Variants in DNAAF6 observed in about 807,000 individuals in gnomAD.
The protein encoded by DNAAF6 is PIH1 domain containing 3.
Under a neutral mutation model 13.7 loss-of-function variants are expected in DNAAF6, and 3 were observed. The observed-to-expected ratio is 0.22, with a 90% CI of 0.10 to 0.56. The LOEUF is 0.56. Ranked by LOEUF, DNAAF6 falls within the 20% of genes least tolerant of loss-of-function variation. DNAAF6 has a pLI of 0.92. For synonymous variants in DNAAF6, 54 were observed against 49.2 expected, an observed-to-expected ratio of 1.10 and a Z score of -0.41; for missense variants, 130 against 151.0, an observed-to-expected ratio of 0.86 and a Z score of 0.73.
intron 5 of DNAAF6, among the ~76,000 whole-genome samples, chrX:107,236,343 G>C (rs1343548064): frequency 8.9e-6 from 1 of 111,748 alleles, no homozygotes; most frequent in Non-Finnish European, 1.9e-5. Context: ...AAATTGTTTG[G>C]TCAGTGACAT....
chrX:107,217,604 A>G (rs1323472469), intron 3 of DNAAF6, among the ~76,000 whole-genome samples: 2 of 112,315 alleles, frequency 1.8e-5, no homozygotes, highest in Non-Finnish European at 3.8e-5. Context: ...TTTCCCCAGC[A>G]TTTTGAGCTA....
At chrX:107,229,125 C>CTTTTTTTTTT (rs1569375032) in intron 5 of DNAAF6, among the ~76,000 whole-genome samples, 7 of 57,802 alleles carry the variant, frequency 1.2e-4, no homozygotes, top group African/African-American at 7.9e-4. Flanking sequence ...CTGTTGACTA[C>CTTTTTTTTTT]TCTTTTTTTT....
intron 5 of DNAAF6, among the ~76,000 whole-genome samples, chrX:107,225,801 CAA>C (rs1309450033): frequency 1.8e-5 from 2 of 111,353 alleles, no homozygotes; most frequent in African/African-American, 6.5e-5. Flanking sequence ...ACCTCAAACC[CAA>C]AGAGCCCCAT....
chrX:107,230,708 G>A (rs141461747), intron 5 of DNAAF6, among the ~76,000 whole-genome samples: 358 of 111,479 alleles, frequency 3.2e-3, no homozygotes, highest in Non-Finnish European at 4.5e-3. Context: ...TCACCTCTTC[G>A]CTTACAGCCC....
At chrX:107,226,897 T>G (rs1469298572) in intron 5 of DNAAF6, among the ~76,000 whole-genome samples, 3 of 110,644 alleles carry the variant, frequency 2.7e-5, no homozygotes, top group African/African-American at 9.9e-5. Flanking sequence ...GGGATGAGAG[T>G]CAGGGATGGG....
intron 5 of DNAAF6, among the ~76,000 whole-genome samples, chrX:107,232,697 G>A (rs918070403): frequency 9.0e-6 from 1 of 111,403 alleles, no homozygotes; most frequent in South Asian, 3.9e-4. Flanking sequence ...ACACCTGAAA[G>A]AGATGAGGAA....
intron 5 of DNAAF6, among the ~76,000 whole-genome samples, chrX:107,227,881 AGTGT>A (rs1176311053): frequency 9.0e-6 from 1 of 110,797 alleles, no homozygotes; most frequent in Non-Finnish European, 1.9e-5. Flanking sequence ...TGAGAGAGAG[AGTGT>A]GTGTGTGTTT....
At chrX:107,209,242 A>G (rs1203122559) in intron 1 of DNAAF6, among the ~76,000 whole-genome samples, 2 of 107,032 alleles carry the variant, frequency 1.9e-5, no homozygotes, top group Admixed American at 1.0e-4. Context: ...CTATATAAAT[A>G]AAGTTGCTTC....
At chrX:107,232,295 T>C (rs1928421215) in intron 5 of DNAAF6, among the ~76,000 whole-genome samples, 1 of 110,324 alleles carries the variant, frequency 9.1e-6, no homozygotes, top group Admixed American at 9.6e-5. Context: ...AGGCCTCTTG[T>C]GGCTTTCCAC....
chrX:107,229,177 G>A (rs1423033599), intron 5 of DNAAF6, among the ~76,000 whole-genome samples: 1 of 76,269 alleles, frequency 1.3e-5, no homozygotes, highest in African/African-American at 5.7e-5. Flanking sequence ...CCGCTCTGTC[G>A]CTCAGGCTGG....
intron 3 of DNAAF6, 78 bp downstream of exon 3, chrX:107,216,821 C>G: frequency 1.6e-6 from 1 of 642,010 alleles, no homozygotes; most frequent in African/African-American, 2.3e-5. Flanking sequence ...GTAATAAGTA[C>G]TAATACTAGT....
chrX:107,223,766 C>CATTCA (rs1172838968), intron 5 of DNAAF6, among the ~76,000 whole-genome samples: 24 of 111,317 alleles, frequency 2.2e-4, no homozygotes, highest in African/African-American at 7.8e-4. Context: ...AAATCTAAGA[C>CATTCA]ATTCAATTCA....
chrX:107,235,276 A>G (rs1277363692), intron 5 of DNAAF6, among the ~76,000 whole-genome samples: 2 of 111,650 alleles, frequency 1.8e-5, no homozygotes, highest in Non-Finnish European at 1.9e-5. Context: ...AGATATTTGA[A>G]ATAAAGTTAG....
chrX:107,233,463 T>C (rs1470515576), intron 5 of DNAAF6, among the ~76,000 whole-genome samples: 3 of 111,274 alleles, frequency 2.7e-5, no homozygotes, highest in South Asian at 7.6e-4. Context: ...TAACCCAAGT[T>C]TGTATCCTTT....
At chrX:107,240,058 G>A (rs1432872112) in intron 6 of DNAAF6, among the ~76,000 whole-genome samples, 2 of 112,195 alleles carry the variant, frequency 1.8e-5, no homozygotes, top group African/African-American at 6.5e-5. Context: ...CACTGTCTGT[G>A]AGACTTTCAT....
At position 107,212,896 on chromosome X, in the gene DNAAF6, T is replaced by C; in HGVS notation, c.21T>C (p.Asp7=). The change falls in exon 2 of 7, where the codon GAT becomes GAC. Residue 7 remains aspartate, a synonymous_variant. Transcript: ENST00000372453. MESENM[D]SENMKTENME... ...AGATAATGGAATCTGAAAATATGGATTCTGAAAATATGAAGACAGAAAATA... is the reference window on the plus strand; with the variant it reads ...AGATAATGGAATCTGAAAATATGGACTCTGAAAATATGAAGACAGAAAATA... The C allele has an allele frequency of 8.4e-7, 1 of 1,194,453 alleles. No homozygotes were observed. The highest frequency in any genetic ancestry group is 1.1e-6 in the Non-Finnish European group (1 of 888,551).
chrX:107,242,771 G>A (rs940326464), intron 6 of DNAAF6, among the ~76,000 whole-genome samples: 2 of 112,121 alleles, frequency 1.8e-5, no homozygotes, highest in African/African-American at 6.5e-5. Context: ...ATCTATGTTA[G>A]CAGAAGTGTC....
intron 5 of DNAAF6, among the ~76,000 whole-genome samples, chrX:107,226,748 G>A (rs753820759): frequency 9.0e-6 from 1 of 111,582 alleles, no homozygotes; most frequent in South Asian, 3.8e-4. Context: ...ATATTTTGAT[G>A]TTTTACTTTG....
At chrX:107,216,995 CAT>C (rs911811795) in intron 3 of DNAAF6, among the ~76,000 whole-genome samples, 4 of 110,568 alleles carry the variant, frequency 3.6e-5, no homozygotes, top group African/African-American at 9.8e-5. Flanking sequence ...TTCAGAACAT[CAT>C]ATGGTATATC....
Sources: allele counts gnomAD v4.1 joint callset (sites outside exome capture counted in the v4.1 genomes callset), GRCh38; gene constraint gnomAD v4.1.1; transcripts MANE v1.5; gene names NCBI Gene and HGNC (gene_info 2026-07-23, HGNC 2026-07-21).